The following DAB1 variants were observed in gnomAD, a reference collection of about 807,000 sequenced individuals.
The protein encoded by DAB1 is disabled homolog 1.
DAB1 carries 15 observed loss-of-function variants against 64.6 expected under a neutral mutation model. The ratio of observed to expected loss-of-function variants is 0.23; its 90% confidence interval spans 0.16 to 0.36. The LOEUF (loss-of-function observed/expected upper bound fraction) is 0.36. DAB1 is among the 10% of genes least tolerant of loss of function. DAB1 has a pLI of 1.00. For missense variants in DAB1, 596 were observed against 706.7 expected (o/e 0.84, Z 1.78); for synonymous variants, 235 against 251.9 (o/e 0.93, Z 0.64).
intron 5 of DAB1, among the ~76,000 whole-genome samples, chr1:57,991,667 G>A (rs561481109): frequency 5.8e-4 from 88 of 152,018 alleles, no homozygotes; most frequent in African/African-American, 1.8e-3. Flanking sequence ...GGCCAATGGC[G>A]AAACCCCATC....
At chr1:58,539,429 C>T (rs374132886) in intron 1 of DAB1, 6 of 617,298 alleles carry the variant, frequency 9.7e-6, no homozygotes, top group East Asian at 5.5e-5. Flanking sequence ...GGCTAAATTA[C>T]CTTGGGTTTC....
intron 5 of DAB1, among the ~76,000 whole-genome samples, chr1:58,123,574 T>C (rs1426351887): frequency 6.6e-6 from 1 of 152,204 alleles, no homozygotes; most frequent in Admixed American, 6.5e-5. Flanking sequence ...AGCCTCGTAA[T>C]TTACCTTCTA....
chr1:57,722,208 G>A (rs3131723), intron 6 of DAB1, among the ~76,000 whole-genome samples: 44,484 of 151,996 alleles, frequency 0.29, 7,926 homozygotes, highest in African/African-American at 0.5. Context: ...AGCCCACAGA[G>A]GTAAGTATAC....
At chr1:57,357,929 G>C (rs981872801) in intron 1 of DAB1, among the ~76,000 whole-genome samples, 8 of 151,950 alleles carry the variant, frequency 5.3e-5, no homozygotes, top group African/African-American at 1.7e-4. Context: ...TTCAAGATAA[G>C]ATTTGGGTGG....
intron 1 of DAB1, chr1:58,541,657 A>C (rs1032320237): frequency 1.4e-5 from 2 of 143,622 alleles, no homozygotes; most frequent in Non-Finnish European, 3.1e-5. Context: ...AACAAAAAAC[A>C]AAAAAACCCA....
At chr1:57,756,772 C>T (rs983737905) in intron 6 of DAB1, among the ~76,000 whole-genome samples, 8 of 152,126 alleles carry the variant, frequency 5.3e-5, no homozygotes, top group African/African-American at 1.7e-4. Flanking sequence ...GCCTTCTCTA[C>T]ATCTACTAAG....
intron 5 of DAB1, among the ~76,000 whole-genome samples, chr1:57,910,162 C>T (rs80294400): frequency 0.043 from 6,602 of 152,216 alleles, 506 homozygotes; most frequent in African/African-American, 0.15. Flanking sequence ...CAGAGGCCAC[C>T]GTATTCATCA....
chr1:57,957,768 G>A (rs1356140282), intron 5 of DAB1, among the ~76,000 whole-genome samples: 1 of 152,170 alleles, frequency 6.6e-6, no homozygotes, highest in Non-Finnish European at 1.5e-5. Flanking sequence ...GAAACCAGAG[G>A]TAGGAAGGCA....
chr1:58,545,713 A>G (rs1646691970), intron 1 of DAB1, among the ~76,000 whole-genome samples: 2 of 152,364 alleles, frequency 1.3e-5, no homozygotes, highest in Admixed American at 6.5e-5. Context: ...TGGCACTCAC[A>G]GCTGAAGCCT....
At chr1:57,932,714 C>G (rs1644971077) in intron 5 of DAB1, among the ~76,000 whole-genome samples, 1 of 152,076 alleles carries the variant, frequency 6.6e-6, no homozygotes, top group Admixed American at 6.5e-5. Context: ...TGATAACTTT[C>G]CTTGCTCTAA....
At chr1:57,104,662 G>A (rs886864148) in intron 4 of DAB1, among the ~76,000 whole-genome samples, 5 of 152,138 alleles carry the variant, frequency 3.3e-5, no homozygotes, top group Non-Finnish European at 7.3e-5. Flanking sequence ...CTCACAAGAC[G>A]GGGCTGATGA....
At chr1:57,878,326 T>C (rs963923749) in intron 1 of DAB1, 1 of 152,344 alleles carries the variant, frequency 6.6e-6, no homozygotes, top group East Asian at 1.9e-4. Flanking sequence ...AATTCTGGAC[T>C]GAAGAGTTAT....
intron 1 of DAB1, chr1:57,306,843 G>A (rs1674226099): frequency 6.6e-6 from 1 of 152,122 alleles, no homozygotes; most frequent in African/African-American, 2.4e-5. Context: ...TTGATATTAT[G>A]TGAGTGCAAT....
rs895001941 is a variant in DAB1, at chr1:58,418,201, T to C, written n.258-74798A>G. Among the ~76,000 whole-genome samples, 52 of 152,230 alleles carry C rather than the reference T, an allele frequency of 3.4e-4. 1 individual carries two copies. The highest frequency in any genetic ancestry group is 1.3e-3 in the African/African-American group (52 of 41,466). ...AAAATAGAAAGTCCAAGAGTTGCCA[T>C]GTTCAAAGAAAGCCCTTTAGTCTAA... On this transcript the variant is annotated intron_variant and non_coding_transcript_variant, in intron 3 of 20. Transcript: ENST00000485760.
chr1:58,226,689 C>T (rs573693843), intron 4 of DAB1, among the ~76,000 whole-genome samples: 2 of 152,318 alleles, frequency 1.3e-5, no homozygotes, highest in East Asian at 3.9e-4. Flanking sequence ...TTGCCAAATG[C>T]TTTCCATGTA....
At chr1:57,002,754 C>T (rs1184331732) in intron 14 of DAB1, among the ~76,000 whole-genome samples, 2 of 152,166 alleles carry the variant, frequency 1.3e-5, no homozygotes, top group Non-Finnish European at 2.9e-5. Context: ...TGGGGGTGGG[C>T]CTGCCCCTGA....
chr1:57,697,722 T>C (rs949198520), intron 6 of DAB1, among the ~76,000 whole-genome samples: 3 of 152,190 alleles, frequency 2.0e-5, no homozygotes, highest in African/African-American at 7.2e-5. Flanking sequence ...CAGTTTTCTT[T>C]GGGAGCTGAA....
chr1:57,612,665 C>T (rs1170469126), intron 7 of DAB1, among the ~76,000 whole-genome samples: 1 of 152,274 alleles, frequency 6.6e-6, no homozygotes, highest in South Asian at 2.1e-4. Flanking sequence ...ATCTTAATTT[C>T]AGCCCAGTGA....
intron 4 of DAB1, among the ~76,000 whole-genome samples, chr1:57,113,243 A>G (rs1004913074): frequency 6.6e-6 from 1 of 152,212 alleles, no homozygotes; most frequent in Non-Finnish European, 1.5e-5. Context: ...ATTGGCCATT[A>G]TTGTTACTGA....
Sources: gnomAD v4.1 joint callset for allele counts (sites outside exome capture counted in the v4.1 genomes callset) on GRCh38, gnomAD v4.1.1 for gene constraint, MANE v1.5 for transcripts, NCBI Gene and HGNC (gene_info 2026-07-23, HGNC 2026-07-21) for gene names.